Variants in ADGRB3 observed in about 807,000 individuals in gnomAD.
ADGRB3 encodes brain-specific angiogenesis inhibitor 3.
In ADGRB3, 37 loss-of-function variants were observed where a neutral mutation model predicts 193.4. That is an observed-to-expected ratio of 0.19 (90% confidence interval 0.15 to 0.25). ADGRB3 has a LOEUF of 0.25. Ranked by LOEUF, ADGRB3 falls within the 10% of genes least tolerant of loss-of-function variation. The pLI, the probability that ADGRB3 is intolerant of heterozygous loss-of-function variation, is 1.00. For synonymous variants in ADGRB3, 690 were observed against 644.2 expected (o/e 1.07, Z -1.08); for missense variants, 1,637 against 1,852.9 (o/e 0.88, Z 2.14).
chr6:69,103,860 G>A (rs577444258), intron 17 of ADGRB3, among the ~76,000 whole-genome samples: 3 of 151,706 alleles, frequency 2.0e-5, no homozygotes, highest in East Asian at 3.9e-4. Flanking sequence ...GGCAGTGACA[G>A]TAGGAAAACT....
chr6:68,636,472 A>ATAAATAAT (rs1436923231), intron 1 of ADGRB3, among the ~76,000 whole-genome samples: 1 of 151,728 alleles, frequency 6.6e-6, no homozygotes, highest in African/African-American at 2.4e-5. Context: ...AAATAAATAA[A>ATAAATAAT]TAAATAAAAC....
At chr6:68,788,441 G>C (rs545069454) in intron 3 of ADGRB3, among the ~76,000 whole-genome samples, 48 of 152,212 alleles carry the variant, frequency 3.2e-4, no homozygotes, top group African/African-American at 1.0e-3. Flanking sequence ...ACAGGTTGTT[G>C]AGTTTCCATG....
intron 24 of ADGRB3, among the ~76,000 whole-genome samples, chr6:69,335,345 A>G (rs1768823417): frequency 6.6e-6 from 1 of 152,154 alleles, no homozygotes; most frequent in South Asian, 2.1e-4. Flanking sequence ...ACATATTCTT[A>G]GAAGTTACTT....
At chr6:69,386,417 C>G (rs542542948) in intron 31 of ADGRB3, among the ~76,000 whole-genome samples, 1 of 152,024 alleles carries the variant, frequency 6.6e-6, no homozygotes, top group Non-Finnish European at 1.5e-5. Flanking sequence ...ACACAACCCT[C>G]GTGTATGATA....
rs1489551756 is a variant in ADGRB3 at position 68,772,945 on chromosome 6, A to T, written c.757+133513A>T. Among the ~76,000 whole-genome samples the T allele has an allele frequency of 1.3e-4, 5 of 39,536 alleles. 1 individual carries two copies. The highest frequency in any genetic ancestry group is 1.9e-4 in the Non-Finnish European group (4 of 21,056). The allele number at this position is 39,536 out of a possible 152,430, so 25.9% of individuals were successfully genotyped here. ...TATATATATATATACATACACACAC[A>T]AAAATAAAAAATAAAAATAAAATAG... On this transcript the variant is annotated intron_variant, in intron 3 of 31. Transcript: ENST00000370598.
chr6:68,683,335 G>A (rs1764928523), intron 3 of ADGRB3, among the ~76,000 whole-genome samples: 1 of 151,780 alleles, frequency 6.6e-6, no homozygotes, highest in East Asian at 1.9e-4. Flanking sequence ...CCAAACATCT[G>A]GCAATAATTA....
chr6:69,193,531 A>T lies in ADGRB3; in HGVS notation c.2481-39759A>T, dbSNP rs555702185. On this transcript the variant is annotated intron_variant, in intron 17 of 31. Coordinates refer to ENST00000370598, the MANE Select transcript of ADGRB3 (RefSeq NM_001704.3). Reference sequence around the variant, plus strand: ...GCAGTGGCACAAGCTAAAGACATCAAGATTCTGAAAACTAAGAGAAGTAGA... The same window carrying T: ...GCAGTGGCACAAGCTAAAGACATCATGATTCTGAAAACTAAGAGAAGTAGA... 1.1e-3 allele frequency among the ~76,000 whole-genome samples: 167 copies of T among 152,246 alleles called. 1 individual carries two copies. Among genetic ancestry groups the T allele is most frequent in the African/African-American group, 3.8e-3 (158 of 41,558 alleles).
chr6:69,163,460 C>T (rs76678856), intron 17 of ADGRB3, among the ~76,000 whole-genome samples: 3,737 of 151,940 alleles, frequency 0.025, 149 homozygotes, highest in African/African-American at 0.085. Context: ...AAAGGTTAAA[C>T]GCTACTCAAA....
intron 17 of ADGRB3, among the ~76,000 whole-genome samples, chr6:69,108,388 T>G (rs745655180): frequency 2.9e-5 from 2 of 68,572 alleles, no homozygotes; most frequent in Admixed American, 4.5e-4. Context: ...AAGCTTCTTG[T>G]TTTTTTTTTT....
At chr6:69,098,836 TA>T (rs1338495584) in intron 17 of ADGRB3, among the ~76,000 whole-genome samples, 3 of 152,152 alleles carry the variant, frequency 2.0e-5, no homozygotes, top group Non-Finnish European at 2.9e-5. Context: ...AAAATTCAAA[TA>T]AAAAATTATT....
At chr6:68,946,289 A>C (rs1236570112) in intron 6 of ADGRB3, among the ~76,000 whole-genome samples, 1 of 152,124 alleles carries the variant, frequency 6.6e-6, no homozygotes, top group Non-Finnish European at 1.5e-5. Flanking sequence ...TTCTCTTTAG[A>C]ACTCATCATC....
chr6:68,729,707 G>A (rs1018146649), intron 3 of ADGRB3, among the ~76,000 whole-genome samples: 1 of 151,574 alleles, frequency 6.6e-6, no homozygotes, highest in Non-Finnish European at 1.5e-5. Flanking sequence ...AATTACTGTT[G>A]CTATTATGGT....
chr6:68,710,761 G>A (rs898113482), intron 3 of ADGRB3, among the ~76,000 whole-genome samples: 2 of 151,998 alleles, frequency 1.3e-5, no homozygotes, highest in African/African-American at 4.8e-5. Flanking sequence ...TTAGATTTGG[G>A]GATTCCTATT....
chr6:69,199,752 C>T (rs1315712139), intron 17 of ADGRB3, among the ~76,000 whole-genome samples: 1 of 152,058 alleles, frequency 6.6e-6, no homozygotes, highest in Non-Finnish European at 1.5e-5. Context: ...AACCCAGAAG[C>T]TCAGCTACCT....
intron 17 of ADGRB3, among the ~76,000 whole-genome samples, chr6:69,206,804 C>A (rs1258033013): frequency 1.3e-5 from 2 of 152,148 alleles, no homozygotes; most frequent in African/African-American, 4.8e-5. Flanking sequence ...TTCTACTACC[C>A]ATTCTGTATT....
intron 17 of ADGRB3, among the ~76,000 whole-genome samples, chr6:69,121,218 A>G (rs1773675956): frequency 6.6e-6 from 1 of 152,042 alleles, no homozygotes; most frequent in Admixed American, 6.5e-5. Context: ...CTTAACGAGC[A>G]TGCTGTCTTC....
At chr6:69,206,724 A>C (rs1765548889) in intron 17 of ADGRB3, among the ~76,000 whole-genome samples, 1 of 152,172 alleles carries the variant, frequency 6.6e-6, no homozygotes. Flanking sequence ...GAAGGAGAAA[A>C]TACTCATGAG....
intron 17 of ADGRB3, among the ~76,000 whole-genome samples, chr6:69,223,406 C>T (rs1765940982): frequency 6.6e-6 from 1 of 152,042 alleles, no homozygotes; most frequent in African/African-American, 2.4e-5. Flanking sequence ...GATGTCTCAA[C>T]AGTTATTTTT....
At chr6:68,752,538 G>C (rs1371095432) in intron 3 of ADGRB3, among the ~76,000 whole-genome samples, 1 of 152,146 alleles carries the variant, frequency 6.6e-6, no homozygotes, top group Non-Finnish European at 1.5e-5. Context: ...CTCCCAAAGT[G>C]CTGGGATTAC....
Sources: allele counts gnomAD v4.1 joint callset (sites outside exome capture counted in the v4.1 genomes callset), GRCh38; gene constraint gnomAD v4.1.1; transcripts MANE v1.5; gene names NCBI Gene and HGNC (gene_info 2026-07-23, HGNC 2026-07-21).